Variants in RYR3 observed in about 807,000 individuals in gnomAD.
RYR3 encodes the protein brain ryanodine receptor-calcium release channel.
Under a neutral mutation model 584.3 loss-of-function variants are expected in RYR3, and 207 were observed. That is an observed-to-expected ratio of 0.35 (90% CI 0.32 to 0.40). The LOEUF is 0.40. Among genes scored for constraint, RYR3 ranks in the 10% least tolerant of loss-of-function variants. RYR3 has a pLI of 1.00. For synonymous variants in RYR3, 2,416 were observed against 2,248.5 expected (o/e 1.07, Z -2.11); for missense variants, 5,616 against 6,089.2 (o/e 0.92, Z 2.59).
intron 85 of RYR3, among the ~76,000 whole-genome samples, chr15:33,827,554 T>C (rs1204140378): frequency 6.6e-6 from 1 of 152,180 alleles, no homozygotes; most frequent in Non-Finnish European, 1.5e-5. Context: ...TGTGTTGCTA[T>C]AAAACAACCA....
intron 1 of RYR3, among the ~76,000 whole-genome samples, chr15:33,326,099 C>T (rs139238088): frequency 8.1e-4 from 123 of 152,244 alleles, no homozygotes; most frequent in African/African-American, 2.2e-3. Context: ...CAACCATGCC[C>T]GGCCTATTTC....
At chr15:33,432,511 C>T (rs1458265840) in intron 1 of RYR3, among the ~76,000 whole-genome samples, 4 of 151,754 alleles carry the variant, frequency 2.6e-5, no homozygotes, top group East Asian at 1.9e-4. Context: ...GACTATGAAA[C>T]GATTCTTGAG....
At chr15:33,812,634 G>C (rs2076612228) in intron 72 of RYR3, among the ~76,000 whole-genome samples, 1 of 152,160 alleles carries the variant, frequency 6.6e-6, no homozygotes, top group African/African-American at 2.4e-5. Context: ...GCAACACAGA[G>C]AGATGACGAG....
At chr15:33,815,946 G>C in intron 74 of RYR3, 3 of 398,524 alleles carry the variant, frequency 7.5e-6, no homozygotes, top group Non-Finnish European at 8.8e-6. Context: ...AATGTAACCT[G>C]TGGAGAGACC....
Position 33,571,607 on chromosome 15 carries a change from A to G in RYR3, c.1268+4808A>G, listed in dbSNP as rs76015459. On this transcript the variant is annotated intron_variant, in intron 12 of 103. Coordinates refer to ENST00000634891, the MANE Select transcript of RYR3 (RefSeq NM_001036.6). The stretch of plus-strand genomic sequence containing the variant: ...TAAGTCTACTTCATAGAGCCATTCC[A>G]GGTGTCTTGAATGTGCAGATTATGT... Among the ~76,000 whole-genome samples the G allele has an allele frequency of 7.8e-3, 1,183 of 152,222 alleles. 7 individuals carry two copies. The highest frequency in any genetic ancestry group is 0.013 in the Non-Finnish European group (884 of 68,002).
At chr15:33,539,085 C>T (rs760502739) in intron 5 of RYR3, 9 of 253,284 alleles carry the variant, frequency 3.6e-5, no homozygotes, top group Non-Finnish European at 6.0e-5. Context: ...ATTAAAAATA[C>T]TCAAAGGCCG....
intron 1 of RYR3, among the ~76,000 whole-genome samples, chr15:33,459,284 C>G (rs1053691133): frequency 1.3e-5 from 2 of 152,312 alleles, no homozygotes; most frequent in African/African-American, 4.8e-5. Context: ...TTAAAAAATG[C>G]AGAATAAAAA....
intron 23 of RYR3, 72 bp downstream of exon 23, chr15:33,631,365 A>G (rs1168232066): frequency 1.0e-6 from 1 of 986,286 alleles, no homozygotes; most frequent in Non-Finnish European, 1.5e-6. Context: ...GGAGGGTGGT[A>G]CCAAGACAGA....
rs2077262471 is a variant in RYR3, at chr15:33,563,017, G to A, written c.1146+7G>A. The A allele has an allele frequency of 6.2e-7, 1 of 1,605,674 alleles. No individual in the cohort carries two copies. Among genetic ancestry groups the A allele is most frequent in the Non-Finnish European group, 8.5e-7 (1 of 1,175,448 alleles). On this transcript the variant is annotated splice_region_variant and intron_variant, in intron 11 of 103. Coordinates refer to ENST00000634891, the MANE Select transcript of RYR3 (RefSeq NM_001036.6). ...GGGACCTCTAAAAAGAAAGGTGAGA[G>A]TCAGAATATCTGTCTACAATTGTTT...
At chr15:33,731,443 A>C (rs2068942993) in intron 47 of RYR3, 31 bp from the exon 48 acceptor site, 3 of 1,536,848 alleles carry the variant, frequency 2.0e-6, no homozygotes, top group Non-Finnish European at 2.7e-6. Context: ...CCTCAGGGCA[A>C]TTAACCTGTG....
Position 33,831,048 on chromosome 15 carries a change from C to A in RYR3, c.11420C>A (p.Ala3807Glu), listed in dbSNP as rs757214631. ...CAGCACAATTTTTCCAAAGCTCTGGCAGTCACCAAGCAGATTTTCAATTCT... is the reference window on the plus strand; with the variant it reads ...CAGCACAATTTTTCCAAAGCTCTGGAAGTCACCAAGCAGATTTTCAATTCT... ...SGQHNFSKAL[A>E]VTKQIFNSLT... is the part of the protein sequence containing the mutation. Residue 3807 changes from alanine (A) to glutamate (E), a missense_variant, in exon 86 of 104, where the codon GCA becomes GAA. Transcript: ENST00000634891. 4.0e-5 allele frequency: 64 copies of A among 1,613,542 alleles called. No homozygotes were observed. Among genetic ancestry groups the A allele is most frequent in the Non-Finnish European group, 5.3e-5 (62 of 1,179,750 alleles).
intron 1 of RYR3, among the ~76,000 whole-genome samples, chr15:33,343,518 T>C (rs1972077394): frequency 6.6e-6 from 1 of 152,178 alleles, no homozygotes; most frequent in African/African-American, 2.4e-5. Flanking sequence ...ATTTCCCAGA[T>C]GCTCTCACTT....
chr15:33,795,380 C>CTTTTTTTTTTTTTT (rs1201963780), intron 67 of RYR3, among the ~76,000 whole-genome samples: 20 of 92,466 alleles, frequency 2.2e-4, no homozygotes, highest in African/African-American at 4.8e-4. Flanking sequence ...TTTTTCTTTT[C>CTTTTTTTTTTTTTT]TTTTTTTTTT....
At chr15:33,572,656 TATAC>T (rs1246754181) in intron 12 of RYR3, among the ~76,000 whole-genome samples, 1 of 124,432 alleles carries the variant, frequency 8.0e-6, no homozygotes, top group Non-Finnish European at 1.6e-5. Context: ...AAAAACTATA[TATAC>T]ACACACACAC....
chr15:33,846,741 C>G (rs2152990048), intron 93 of RYR3, among the ~76,000 whole-genome samples: 1 of 152,312 alleles, frequency 6.6e-6, no homozygotes, highest in South Asian at 2.1e-4. Flanking sequence ...CTGGGTTGAA[C>G]TCACAGCTCT....
At chr15:33,331,768 A>G (rs1970402775) in intron 1 of RYR3, among the ~76,000 whole-genome samples, 1 of 152,080 alleles carries the variant, frequency 6.6e-6, no homozygotes, top group Non-Finnish European at 1.5e-5. Context: ...AATGGTAAGA[A>G]AAACAAAATT....
chr15:33,562,043 T>C (rs1269258735), intron 10 of RYR3, among the ~76,000 whole-genome samples: 1 of 151,916 alleles, frequency 6.6e-6, no homozygotes, highest in Non-Finnish European at 1.5e-5. Flanking sequence ...GAAATGGAAA[T>C]AGGGTATAAC....
intron 1 of RYR3, among the ~76,000 whole-genome samples, chr15:33,363,573 G>A (rs768920192): frequency 2.6e-5 from 4 of 152,082 alleles, no homozygotes; most frequent in Admixed American, 6.5e-5. Flanking sequence ...ATTTGTATCC[G>A]TATTTTTTTC....
intron 19 of RYR3, among the ~76,000 whole-genome samples, chr15:33,616,454 T>A (rs1378853989): frequency 6.6e-6 from 1 of 152,206 alleles, no homozygotes. Flanking sequence ...GGTATCCACA[T>A]GTAGAAGACA....
Sources: gnomAD v4.1 joint callset for allele counts (sites outside exome capture counted in the v4.1 genomes callset) on GRCh38, gnomAD v4.1.1 for gene constraint, MANE v1.5 for transcripts, NCBI Gene and HGNC (gene_info 2026-07-23, HGNC 2026-07-21) for gene names.